The following FBXL18 variants were observed in gnomAD, a reference collection of about 807,000 sequenced individuals.
The protein encoded by FBXL18 is F-box and leucine rich repeat protein 18.
A neutral mutation model predicts 46.0 loss-of-function variants in FBXL18; 36 were observed. That is an observed-to-expected ratio of 0.78 (90% CI 0.60 to 1.03). The LOEUF is 1.03. Among genes scored for constraint, FBXL18 ranks in the 50% least tolerant of loss-of-function variants. The probability of loss-of-function intolerance (pLI) is 0.00; values close to 1 mark genes in which losing one functional copy is unlikely to be tolerated. For synonymous variants in FBXL18, 557 were observed against 465.3 expected, an observed-to-expected ratio of 1.20 and a Z score of -2.54; for missense variants, 977 against 1,004.1, an observed-to-expected ratio of 0.97 and a Z score of 0.36.
chr7:5,495,286 C>T (rs1784047419), intron 3 of FBXL18, among the ~76,000 whole-genome samples: 1 of 152,298 alleles, frequency 6.6e-6, no homozygotes, highest in East Asian at 1.9e-4. Flanking sequence ...GTGAGAGCAG[C>T]ACCCAGGCCT....
intron 1 of FBXL18, among the ~76,000 whole-genome samples, chr7:5,512,294 AT>A (rs1315935119): frequency 1.3e-4 from 14 of 106,194 alleles, no homozygotes; most frequent in African/African-American, 6.0e-4. Flanking sequence ...GTGAAGTGTT[AT>A]TTAAAAAAAA....
intron 4 of FBXL18, among the ~76,000 whole-genome samples, chr7:5,483,012 T>C (rs1331014285): frequency 4.7e-5 from 7 of 148,852 alleles, no homozygotes; most frequent in Non-Finnish European, 7.4e-5. Context: ...TACTCCAGCC[T>C]GGGCAACACA....
In FBXL18 at chr7:5,480,993, C is replaced by G. The variant is rs1326656289; in HGVS notation, c.*782G>C. 7.1e-6 allele frequency: 1 copy of G among 141,178 alleles called. No individual in the cohort carries two copies. Among genetic ancestry groups the G allele is most frequent in the African/African-American group, 2.7e-5 (1 of 37,076 alleles). 8.7% of individuals were successfully genotyped at this position (141,178 alleles called of 1,614,324 possible). ...AAAGCCGAATGTGTATCGATTTCCC[C>G]AGGAACGCGCATGGACCTTCCCAGG... is the stretch of plus-strand genomic sequence containing the variant. On this transcript the variant is annotated 3_prime_UTR_variant, in exon 5 of 5. Transcript: ENST00000382368.
At chr7:5,500,094 T>TA (rs35585441) in intron 3 of FBXL18, among the ~76,000 whole-genome samples, 128,480 of 140,376 alleles carry the variant, frequency 0.92, 58,831 homozygotes, top group African/African-American at 0.97. Context: ...AAATTTAAAT[T>TA]AAAAAAAAAA....
intron 3 of FBXL18, among the ~76,000 whole-genome samples, chr7:5,494,755 G>A (rs1388048666): frequency 6.6e-6 from 1 of 152,218 alleles, no homozygotes; most frequent in Non-Finnish European, 1.5e-5. Flanking sequence ...AGATGGAAAC[G>A]GGGCGTTGGG....
Position 5,498,939 on chromosome 7 carries a change from G to A in FBXL18, c.1781+1549C>T, listed in dbSNP as rs143598688. On this transcript the variant is annotated intron_variant, in intron 3 of 4. Coordinates refer to ENST00000382368, the MANE Select transcript of FBXL18 (RefSeq NM_024963.6). ...ATTTTCAAATTCATCTCAAGTTAACGAATTCTTATTCCTTAAATACTAGGA... is the reference window on the plus strand; with the variant it reads ...ATTTTCAAATTCATCTCAAGTTAACAAATTCTTATTCCTTAAATACTAGGA... Among the ~76,000 whole-genome samples, 786 of 152,240 alleles carry A rather than the reference G, an allele frequency of 5.2e-3. 6 individuals carry two copies. The highest frequency in any genetic ancestry group is 0.017 in the Middle Eastern group (5 of 294).
chr7:5,475,919 T>G lies in FBXL18; in HGVS notation c.*5856A>C, dbSNP rs1167886002. On this transcript the variant is annotated 3_prime_UTR_variant, in exon 5 of 5. Transcript: ENST00000382368. The surrounding 1 kb of genome is among the most constrained non-coding windows in gnomAD (Gnocchi z 4.2). ...CCAATGTCAGGAGCAGGCATCACCG[T>G]GAGACGCCACGGGGGCAGGTCAGCG... The G allele has an allele frequency of 6.6e-6, 1 of 152,270 alleles. No individual in the cohort carries two copies. The highest frequency in any genetic ancestry group is 1.5e-5 in the Non-Finnish European group (1 of 68,062). The allele number at this position is 152,270 out of a possible 1,614,324, so 9.4% of individuals were successfully genotyped here.
chr7:5,480,270 G>T lies in FBXL18; in HGVS notation c.*1505C>A, dbSNP rs903843699. On this transcript the variant is annotated 3_prime_UTR_variant, in exon 5 of 5. Transcript: ENST00000382368. Reference sequence around the variant, plus strand: ...TTCACCAAGAGCGGCCAGGGCGGCGGTCCAGGCTAGCAGGGCCCAACTACA... The same window carrying T: ...TTCACCAAGAGCGGCCAGGGCGGCGTTCCAGGCTAGCAGGGCCCAACTACA... 9.2e-5 allele frequency among the ~76,000 whole-genome samples: 14 copies of T among 152,154 alleles called. No individual in the cohort carries two copies. Among genetic ancestry groups the T allele is most frequent in the African/African-American group, 1.4e-4 (6 of 41,434 alleles).
intron 1 of FBXL18, among the ~76,000 whole-genome samples, chr7:5,509,900 G>A (rs996862365): frequency 5.3e-5 from 8 of 152,014 alleles, no homozygotes; most frequent in African/African-American, 1.9e-4. Context: ...GGCAGCTGCT[G>A]GGCGGGCGAG....
chr7:5,513,803 C>A lies in FBXL18; in HGVS notation c.-129G>T. The A allele has an allele frequency of 3.0e-6, 4 of 1,323,010 alleles. No homozygotes were observed. Among genetic ancestry groups the A allele is most frequent in the Non-Finnish European group, 4.1e-6 (4 of 974,522 alleles). 82.0% of individuals were successfully genotyped at this position (1,323,010 alleles called of 1,614,324 possible). A position where few individuals can be genotyped will look rare whatever the true frequency, so the allele number is the denominator to read the frequency against. On this transcript the variant is annotated 5_prime_UTR_variant, in exon 1 of 5. Transcript: ENST00000382368. ...ACCCCGGCAAGGAGCGGGCTCTCGT[C>A]ACTTCCGGCGCCCGCCTACACGCAC... is the stretch of plus-strand genomic sequence containing the variant.
chr7:5,486,661 G>A, intron 4 of FBXL18, among the ~76,000 whole-genome samples: 1 of 152,130 alleles, frequency 6.6e-6, no homozygotes, highest in Non-Finnish European at 1.5e-5. Context: ...TCTAAAAAAA[G>A]AAAAAGAAAG....
rs997318934 is a variant in FBXL18, at chr7:5,481,090, G to T, written c.*685C>A. 1.3e-5 allele frequency: 2 copies of T among 152,182 alleles called. No homozygotes were observed. The highest frequency in any genetic ancestry group is 4.8e-5 in the African/African-American group (2 of 41,432). The allele number at this position is 152,182 out of a possible 1,614,324, so 9.4% of individuals were successfully genotyped here. A position where few individuals can be genotyped will look rare whatever the true frequency, so the allele number is the denominator to read the frequency against. On this transcript the variant is annotated 3_prime_UTR_variant, in exon 5 of 5. Coordinates refer to ENST00000382368, the MANE Select transcript of FBXL18 (RefSeq NM_024963.6). ...CGTTAGAAACGGGCCCTGCTGGTTGGGCTGAAAAGTCACAGGAGAGGCTCC... is the reference window on the plus strand; with the variant it reads ...CGTTAGAAACGGGCCCTGCTGGTTGTGCTGAAAAGTCACAGGAGAGGCTCC...
At chr7:5,499,970 T>C (rs911533931) in intron 3 of FBXL18, among the ~76,000 whole-genome samples, 2 of 150,688 alleles carry the variant, frequency 1.3e-5, no homozygotes, top group African/African-American at 2.4e-5. Context: ...TAGGCTGAGG[T>C]AGGAGGATTA....
intron 4 of FBXL18, among the ~76,000 whole-genome samples, chr7:5,484,288 A>C (rs1783719232): frequency 6.6e-6 from 1 of 152,032 alleles, no homozygotes; most frequent in Non-Finnish European, 1.5e-5. Flanking sequence ...TAACACGGTG[A>C]AACCCCGTCT....
In FBXL18 at chr7:5,513,762, C is replaced by A; in HGVS notation, c.-88G>T. On this transcript the variant is annotated 5_prime_UTR_variant, in exon 1 of 5. Transcript: ENST00000382368. ...CTAGGGATGCTCGAAGCCGGCGCGT[C>A]CACCGCTCAACCGAGACCCCGGCAA... is the stretch of plus-strand genomic sequence containing the variant. The A allele has an allele frequency of 6.5e-7, 1 of 1,528,406 alleles. No homozygotes were observed. The highest frequency in any genetic ancestry group is 1.2e-5 in the South Asian group (1 of 82,654). 94.7% of individuals were successfully genotyped at this position (1,528,406 alleles called of 1,614,324 possible).
At chr7:5,504,698 G>A (rs186678142) in intron 2 of FBXL18, among the ~76,000 whole-genome samples, 86 of 148,962 alleles carry the variant, frequency 5.8e-4, no homozygotes, top group Non-Finnish European at 9.5e-4. Flanking sequence ...GGCAGATCAC[G>A]AGGTCAGGAG....
At chr7:5,497,648 C>A (rs1280082786) in intron 3 of FBXL18, among the ~76,000 whole-genome samples, 4 of 152,140 alleles carry the variant, frequency 2.6e-5, no homozygotes, top group African/African-American at 9.7e-5. Context: ...ATGCCTTCTG[C>A]GGGAGAGGGG....
In FBXL18 at chr7:5,501,074, C is replaced by G; in HGVS notation, c.1195G>C (p.Glu399Gln). 1 of 1,611,214 alleles carries G rather than the reference C, an allele frequency of 6.2e-7. No homozygotes were observed. ...TGGCAGAGGTGGCGGCCCAGGCCCT[C>G]CGAGCTGTGGTGGTGGGCGGCCGAG... ...NLSAAHHHSS[E>Q]GLGRHLCQLL... is the part of the protein sequence containing the mutation. The change falls in exon 3 of 5, where the codon GAG becomes CAG. Residue 399 changes from glutamate to glutamine, a missense_variant. Coordinates refer to ENST00000382368, the MANE Select transcript of FBXL18 (RefSeq NM_024963.6).
intron 4 of FBXL18, among the ~76,000 whole-genome samples, chr7:5,465,353 A>AC (rs1431221277): frequency 6.6e-6 from 1 of 151,960 alleles, no homozygotes; most frequent in African/African-American, 2.4e-5. Context: ...GGCGCACACC[A>AC]CCACACACAG....
Sources: allele counts gnomAD v4.1 joint callset (sites outside exome capture counted in the v4.1 genomes callset), GRCh38; gene constraint gnomAD v4.1.1; non-coding constraint Gnocchi (gnomAD v3.1); transcripts MANE v1.5; gene names NCBI Gene and HGNC (gene_info 2026-07-23, HGNC 2026-07-21).